SPAST: variants seen among roughly 807,000 people sequenced by gnomAD.
The protein encoded by SPAST is spastic paraplegia 4 (autosomal dominant; spastin).
A neutral mutation model predicts 76.6 loss-of-function variants in SPAST; 30 were observed. The observed-to-expected ratio is 0.39, with a 90% CI of 0.29 to 0.53. The LOEUF is 0.53. SPAST is among the 20% of genes least tolerant of loss of function. SPAST has a pLI of 0.68. For missense variants in SPAST, 717 were observed against 770.5 expected (o/e 0.93, Z 0.82); for synonymous variants, 305 against 281.0 (o/e 1.09, Z -0.86).
chr2:32,063,911 C>G lies in SPAST; in HGVS notation c.80C>G (p.Pro27Arg). The G allele has an allele frequency of 3.8e-6, 6 of 1,584,560 alleles. No individual in the cohort carries two copies. The highest frequency in any genetic ancestry group is 5.1e-6 in the Non-Finnish European group (6 of 1,166,298). Residue 27 changes from proline (P) to arginine (R), a missense_variant, in exon 1 of 17, where the codon CCT becomes CGT. This residue lies in a region of SPAST where 543 missense variants were observed against 445.2 expected (regional missense o/e 1.22). Transcript: ENST00000315285. The part of the protein sequence containing the change: ...SNPVPPRPPP[P>R]CLAPAPPAAG... ...CCGGTGCCTCCCAGGCCTCCGCCCC[C>G]TTGCCTGGCCCCCGCCCCTCCCGCC... is the stretch of plus-strand genomic sequence containing the variant.
At chr2:32,153,207 T>G (rs926827791) in intron 16 of SPAST, among the ~76,000 whole-genome samples, 1 of 152,142 alleles carries the variant, frequency 6.6e-6, no homozygotes, top group Admixed American at 6.6e-5. Flanking sequence ...ATACCAGTTG[T>G]TGGAGTTTTG....
At chr2:32,154,231 C>A in intron 16 of SPAST, 143 bp from the exon 17 acceptor site, 1 of 674,182 alleles carries the variant, frequency 1.5e-6, no homozygotes, top group Non-Finnish European at 2.5e-6. Context: ...ATTTAAATGG[C>A]TGACATAATT....
intron 4 of SPAST, among the ~76,000 whole-genome samples, chr2:32,106,278 C>G (rs1018727904): frequency 6.6e-6 from 1 of 152,190 alleles, no homozygotes; most frequent in Non-Finnish European, 1.5e-5. Flanking sequence ...GGGATATAAT[C>G]TCCTGGTGTG....
intron 8 of SPAST, 37 bp from the exon 9 acceptor site, chr2:32,128,371 T>C: frequency 7.4e-7 from 1 of 1,349,944 alleles, no homozygotes; most frequent in Non-Finnish European, 1.1e-6. Flanking sequence ...TGTAATATAT[T>C]GAACTAATTT....
intron 3 of SPAST, among the ~76,000 whole-genome samples, chr2:32,098,149 A>G (rs973751547): frequency 2.0e-5 from 3 of 152,040 alleles, no homozygotes; most frequent in African/African-American, 4.8e-5. Context: ...AAATACCTAA[A>G]TGGTAGAAAT....
chr2:32,146,215 A>G (rs1415399511), intron 15 of SPAST, among the ~76,000 whole-genome samples: 2 of 152,220 alleles, frequency 1.3e-5, no homozygotes, highest in Admixed American at 6.5e-5. Flanking sequence ...CGTTTTGGCT[A>G]TTCTAAGGTA....
intron 5 of SPAST, among the ~76,000 whole-genome samples, chr2:32,115,197 C>T (rs1015113745): frequency 2.6e-5 from 4 of 152,110 alleles, no homozygotes; most frequent in African/African-American, 9.7e-5. Flanking sequence ...ATCCGCCTGC[C>T]TCAGCCTCCC....
At chr2:32,134,162 A>C (rs1679458843) in intron 9 of SPAST, among the ~76,000 whole-genome samples, 1 of 152,132 alleles carries the variant, frequency 6.6e-6, no homozygotes, top group Admixed American at 6.6e-5. Context: ...TAGCATCCCA[A>C]GTAGCTGGGA....
In SPAST at chr2:32,063,891, G is replaced by A. The variant is rs752272987; in HGVS notation, c.60G>A (p.Val20=). The change falls in exon 1 of 17, where the codon GTG becomes GTA. Residue 20 remains valine (V), a synonymous_variant. Transcript: ENST00000315285. ...KKGSGGASNP[V]PPRPPPPCLA... ...GCTCCGGCGGCGCCAGCAACCCGGT[G>A]CCTCCCAGGCCTCCGCCCCCTTGCC... The A allele has an allele frequency of 1.9e-6, 3 of 1,579,466 alleles. No individual in the cohort carries two copies. The highest frequency in any genetic ancestry group is 1.3e-5 in the African/African-American group (1 of 74,432).
At chr2:32,072,365 A>G (rs1408484702) in intron 1 of SPAST, among the ~76,000 whole-genome samples, 2 of 152,090 alleles carry the variant, frequency 1.3e-5, no homozygotes, top group African/African-American at 4.8e-5. Flanking sequence ...AATTTCTTTC[A>G]TGGCCTGCTA....
Position 32,141,931 on chromosome 2 carries a change from T to G in SPAST, c.1521T>G (p.Ser507=). ...GTTTCATCAAACGGGTATATGTGTC[T>G]TTACCAAATGAGGAGGTATGTATCT... ...LRRFIKRVYV[S]LPNEETRLLL... The change falls in exon 13 of 17, where the codon TCT becomes TCG. Residue 507 remains serine (S), a synonymous_variant. Transcript: ENST00000315285. The G allele has an allele frequency of 6.2e-7, 1 of 1,612,816 alleles. No individual in the cohort carries two copies. Among genetic ancestry groups the G allele is most frequent in the Non-Finnish European group, 8.5e-7 (1 of 1,179,262 alleles).
intron 1 of SPAST, among the ~76,000 whole-genome samples, chr2:32,074,017 T>C (rs1676854345): frequency 6.6e-6 from 1 of 152,180 alleles, no homozygotes; most frequent in African/African-American, 2.4e-5. Flanking sequence ...AAGTGGGGTT[T>C]ATTACCCACT....
chr2:32,099,183 G>A (rs1257391921), intron 4 of SPAST, among the ~76,000 whole-genome samples: 1 of 151,898 alleles, frequency 6.6e-6, no homozygotes, highest in Non-Finnish European at 1.5e-5. Flanking sequence ...CTTTTTTTCT[G>A]TTGTGGCTTT....
intron 4 of SPAST, among the ~76,000 whole-genome samples, chr2:32,107,183 A>C (rs1016037547): frequency 6.6e-6 from 1 of 152,052 alleles, no homozygotes; most frequent in South Asian, 2.1e-4. Context: ...TATCCCTAGT[A>C]CAAGTTGAAT....
intron 2 of SPAST, among the ~76,000 whole-genome samples, chr2:32,089,218 T>TTTTTTTTTTTTTTTTTTTTTTTTTC (rs375850129): frequency 3.1e-5 from 4 of 129,972 alleles, no homozygotes; most frequent in African/African-American, 8.6e-5. Flanking sequence ...TTTTTTTTTT[T>TTTTTTTTTTTTTTTTTTTTTTTTTC]AAGTAGAGAC....
chr2:32,074,772 G>A lies in SPAST; in HGVS notation c.415+10526G>A, dbSNP rs146841673. ...TCCATCTGCCTCAGCCTCCCAAAGT[G>A]CTGAGATTACAGGCATGAGTCACTG... On this transcript the variant is annotated intron_variant, in intron 1 of 16. Transcript: ENST00000315285. 6.0e-3 allele frequency among the ~76,000 whole-genome samples: 911 copies of A among 152,172 alleles called. 10 individuals are homozygous for A. Among genetic ancestry groups the A allele is most frequent in the African/African-American group, 0.021 (861 of 41,506 alleles).
intron 12 of SPAST, among the ~76,000 whole-genome samples, chr2:32,137,740 T>A (rs181925067): frequency 2.2e-3 from 335 of 152,312 alleles, no homozygotes; most frequent in African/African-American, 7.5e-3. Context: ...CTGGATGGGT[T>A]ACGTGGGTAT....
rs191337406 is a variant in SPAST at position 32,117,470 on chromosome 2, T to A, written c.1098+1258T>A. Among the ~76,000 whole-genome samples the A allele has an allele frequency of 6.9e-3, 1,039 of 151,198 alleles. 11 individuals are homozygous for A. Among genetic ancestry groups the A allele is most frequent in the African/African-American group, 0.02 (843 of 41,232 alleles). ...GTACTTTATGGGAAAGTTTTTTTTT[T>A]AATTATTTTTAAAAAGAGAGAAATT... On this transcript the variant is annotated intron_variant, in intron 7 of 16. Coordinates refer to ENST00000315285, the MANE Select transcript of SPAST (RefSeq NM_014946.4).
At position 32,136,840 on chromosome 2, in the gene SPAST, G is replaced by C. The variant is rs200841319; in HGVS notation, c.1322-37G>C. ...AATCTCAGATGACTCACATAGCTTG[G>C]TCTTTAATTAAAGTCTTATACTTGT... On this transcript the variant is annotated intron_variant, in intron 10 of 16. Coordinates refer to ENST00000315285, the MANE Select transcript of SPAST (RefSeq NM_014946.4). 2.0e-6 allele frequency: 3 copies of C among 1,512,538 alleles called. No individual in the cohort carries two copies. In the East Asian group the frequency reaches 6.8e-5, roughly 34 times the overall value. 93.7% of individuals were successfully genotyped at this position (1,512,538 alleles called of 1,614,324 possible). A position where few individuals can be genotyped will look rare whatever the true frequency, so the allele number is the denominator to read the frequency against.
Sources: allele counts gnomAD v4.1 joint callset (sites outside exome capture counted in the v4.1 genomes callset), GRCh38; gene constraint gnomAD v4.1.1; regional missense constraint gnomAD v4.1.1; transcripts MANE v1.5; gene names NCBI Gene and HGNC (gene_info 2026-07-23, HGNC 2026-07-21).